DACH2: variants seen among roughly 807,000 people sequenced by gnomAD.
The protein encoded by DACH2 is dachshund homolog 2.
DACH2 carries 17 observed loss-of-function variants against 35.8 expected under a neutral mutation model. That is an observed-to-expected ratio of 0.48 (90% CI 0.33 to 0.71). The LOEUF is 0.71. DACH2 is among the 30% of genes least tolerant of loss of function. The pLI is 0.02. For missense variants in DACH2, 469 were observed against 472.7 expected, an observed-to-expected ratio of 0.99 and a Z score of 0.07; for synonymous variants, 195 against 177.3, an observed-to-expected ratio of 1.10 and a Z score of -0.79.
intron 1 of DACH2, among the ~76,000 whole-genome samples, chrX:86,369,553 T>C (rs1249292292): frequency 1.8e-5 from 2 of 111,148 alleles, no homozygotes; most frequent in African/African-American, 6.5e-5. Flanking sequence ...ATTATCAGAA[T>C]GATCAATTGG....
chrX:86,245,375 C>G (rs959844617), intron 1 of DACH2, among the ~76,000 whole-genome samples: 1 of 111,867 alleles, frequency 8.9e-6, no homozygotes. Flanking sequence ...TGTGCACGAG[C>G]ATGGACCCTG....
At chrX:86,184,914 G>T (rs2031637119) in intron 1 of DACH2, among the ~76,000 whole-genome samples, 1 of 111,143 alleles carries the variant, frequency 9.0e-6, no homozygotes, top group Non-Finnish European at 1.9e-5. Flanking sequence ...TTATTCAAAG[G>T]CTAGAATAAA....
chrX:86,293,067 C>G (rs1267072199), intron 1 of DACH2, among the ~76,000 whole-genome samples: 2 of 94,124 alleles, frequency 2.1e-5, no homozygotes, highest in African/African-American at 8.2e-5. Flanking sequence ...GTCTAAGTCT[C>G]TTTGTAGGTC....
chrX:86,358,708 T>C (rs2035685262), intron 1 of DACH2, among the ~76,000 whole-genome samples: 1 of 79,337 alleles, frequency 1.3e-5, no homozygotes, highest in South Asian at 8.2e-4. Flanking sequence ...AGCTCATCTT[T>C]GTTTATTCTT....
intron 2 of DACH2, among the ~76,000 whole-genome samples, chrX:86,483,158 T>TA (rs1278624900): frequency 1.9e-3 from 166 of 87,763 alleles, no homozygotes; most frequent in East Asian, 4.0e-3. Context: ...AAAACAAGCA[T>TA]AAAAAAAAAA....
chrX:86,571,467 T>G (rs1434378714), intron 3 of DACH2, among the ~76,000 whole-genome samples: 1 of 108,498 alleles, frequency 9.2e-6, no homozygotes, highest in Non-Finnish European at 1.9e-5. Context: ...CCCACAACAG[T>G]CCCCGGTGTG....
intron 7 of DACH2, among the ~76,000 whole-genome samples, chrX:86,789,085 T>C (rs1053115677): frequency 4.4e-4 from 49 of 112,131 alleles, no homozygotes; most frequent in African/African-American, 1.1e-3. Context: ...TATATTACTC[T>C]AGACCATTTT....
At chrX:86,328,520 C>G (rs1289002768) in intron 1 of DACH2, among the ~76,000 whole-genome samples, 1 of 111,811 alleles carries the variant, frequency 8.9e-6, no homozygotes, top group East Asian at 2.8e-4. Context: ...TTGAACTTGT[C>G]TCTCATTTCC....
At chrX:86,151,321 T>G (rs2147855004) in intron 1 of DACH2, among the ~76,000 whole-genome samples, 1 of 112,038 alleles carries the variant, frequency 8.9e-6, no homozygotes, top group East Asian at 2.8e-4. Context: ...AGAGAAATAT[T>G]AAATATGTAG....
chrX:86,328,103 T>A (rs1368442881), intron 1 of DACH2, among the ~76,000 whole-genome samples: 1 of 111,468 alleles, frequency 9.0e-6, no homozygotes, highest in Non-Finnish European at 1.9e-5. Flanking sequence ...TATGACTACA[T>A]ACTAAAACAT....
In DACH2 at chrX:86,610,410, TTTCTTTCTTTTCTTTC is replaced by T. The variant is rs1365449002; in HGVS notation, c.641-40623_641-40608del. 3.4e-3 allele frequency among the ~76,000 whole-genome samples: 267 copies of T among 77,406 alleles called. 1 individual carries two copies. Among genetic ancestry groups the T allele is most frequent in the African/African-American group, 0.015 (260 of 17,773 alleles). The allele number at this position is 77,406 out of a possible 115,157, so 67.2% of individuals were successfully genotyped here. On this transcript the variant is annotated intron_variant, in intron 3 of 11. Transcript: ENST00000373125. ...CTTTCTTTCTTTCTTTCTTTCTTTC[TTTCTTTCTTTTCTTTC>T]TTTCTTTCTTTCTTTCTTTCTTTTT...
intron 1 of DACH2, among the ~76,000 whole-genome samples, chrX:86,329,899 G>A (rs2035182088): frequency 8.9e-6 from 1 of 111,745 alleles, no homozygotes; most frequent in African/African-American, 3.3e-5. Flanking sequence ...GGATTCCTGT[G>A]TTCAGGAACT....
At chrX:86,286,430 G>T (rs2034153639) in intron 1 of DACH2, among the ~76,000 whole-genome samples, 1 of 111,048 alleles carries the variant, frequency 9.0e-6, no homozygotes, top group African/African-American at 3.3e-5. Flanking sequence ...TTTGATTGGA[G>T]AGTTTAGTCT....
At chrX:86,651,326 A>G (rs926076902) in intron 4 of DACH2, among the ~76,000 whole-genome samples, 159 bp downstream of exon 4, 2 of 112,057 alleles carry the variant, frequency 1.8e-5, no homozygotes, top group Non-Finnish European at 3.8e-5. Flanking sequence ...TTGTACACTG[A>G]AATTAGAAAA....
intron 1 of DACH2, among the ~76,000 whole-genome samples, chrX:86,242,491 T>C (rs748994843): frequency 4.5e-5 from 5 of 112,066 alleles, no homozygotes; most frequent in Admixed American, 2.8e-4. Flanking sequence ...ATTGTTTTGG[T>C]TTTACTGGTT....
intron 3 of DACH2, among the ~76,000 whole-genome samples, chrX:86,637,376 TCAA>T (rs766338459): frequency 9.1e-6 from 1 of 109,437 alleles, no homozygotes; most frequent in Non-Finnish European, 1.9e-5. Flanking sequence ...ACTATTCAAC[TCAA>T]CAATCCCCAT....
chrX:86,163,894 G>GC (rs1350660186), intron 1 of DACH2, among the ~76,000 whole-genome samples: 1 of 111,344 alleles, frequency 9.0e-6, no homozygotes, highest in Non-Finnish European at 1.9e-5. Context: ...ACAGACACGT[G>GC]CATGTGTCTT....
chrX:86,291,218 G>C (rs1163276386), intron 1 of DACH2, among the ~76,000 whole-genome samples: 30 of 108,461 alleles, frequency 2.8e-4, no homozygotes, highest in African/African-American at 7.4e-4. Context: ...TGATTTGGCT[G>C]TCTGTTTGTC....
intron 1 of DACH2, among the ~76,000 whole-genome samples, chrX:86,214,135 G>T (rs962801249): frequency 3.6e-5 from 4 of 110,031 alleles, no homozygotes; most frequent in Non-Finnish European, 7.6e-5. Context: ...ATAATGCTTT[G>T]ATAGCCTTCT....
Sources: allele counts gnomAD v4.1 joint callset (sites outside exome capture counted in the v4.1 genomes callset), GRCh38; gene constraint gnomAD v4.1.1; transcripts MANE v1.5; gene names NCBI Gene and HGNC (gene_info 2026-07-23, HGNC 2026-07-21).